RARB: variants seen among roughly 807,000 people sequenced by gnomAD.
The protein encoded by RARB is retinoic acid receptor beta, also known as HBV-activated protein.
A neutral mutation model predicts 51.9 loss-of-function variants in RARB; 17 were observed. The ratio of observed to expected loss-of-function variants is 0.33; its 90% CI spans 0.22 to 0.49. RARB has a LOEUF of 0.49. Among genes scored for constraint, RARB ranks in the 20% least tolerant of loss-of-function variants. The probability of loss-of-function intolerance (pLI) is 0.99; values close to 1 mark genes in which losing one functional copy is unlikely to be tolerated. For missense variants in RARB, 369 were observed against 550.8 expected, an observed-to-expected ratio of 0.67 and a Z score of 3.30; for synonymous variants, 215 against 195.4, an observed-to-expected ratio of 1.10 and a Z score of -0.84.
intron 3 of RARB, among the ~76,000 whole-genome samples, chr3:25,097,850 C>A (rs940876764): frequency 6.6e-6 from 1 of 152,078 alleles, no homozygotes; most frequent in African/African-American, 2.4e-5. Flanking sequence ...GTGCTCATCC[C>A]AATCTTACCC....
At chr3:25,520,539 A>G (rs999952127) in intron 3 of RARB, among the ~76,000 whole-genome samples, 6 of 152,236 alleles carry the variant, frequency 3.9e-5, no homozygotes, top group Non-Finnish European at 7.3e-5. Context: ...GAGAATTTAA[A>G]CATCCAACTG....
At chr3:24,954,896 G>A (rs1365191687) in intron 2 of RARB, among the ~76,000 whole-genome samples, 3 of 152,192 alleles carry the variant, frequency 2.0e-5, no homozygotes, top group Non-Finnish European at 4.4e-5. Context: ...GGTTGCAGGA[G>A]CCAGGGGAGT....
chr3:25,482,061 C>A (rs1286655), intron 2 of RARB, among the ~76,000 whole-genome samples: 64,543 of 151,982 alleles, frequency 0.42, 15,491 homozygotes, highest in African/African-American at 0.65. Context: ...ACCCAAGCCC[C>A]CAACCACTAG....
intron 5 of RARB, among the ~76,000 whole-genome samples, chr3:25,297,564 C>CT (rs1031911648): frequency 1.6e-4 from 25 of 152,032 alleles, no homozygotes; most frequent in African/African-American, 5.8e-4. Flanking sequence ...TCTGAAACAG[C>CT]TTTTATCAAA....
intron 5 of RARB, among the ~76,000 whole-genome samples, chr3:25,394,628 A>T (rs1012090428): frequency 3.9e-5 from 6 of 152,102 alleles, no homozygotes; most frequent in African/African-American, 1.4e-4. Context: ...TTCCTATGGA[A>T]GTAATCTTTT....
intron 5 of RARB, among the ~76,000 whole-genome samples, chr3:25,316,949 A>T (rs1258714341): frequency 6.6e-6 from 1 of 152,188 alleles, no homozygotes; most frequent in Non-Finnish European, 1.5e-5. Context: ...TAAATTATTC[A>T]CCCCAGGTCA....
rs1698566039 is a variant in RARB at position 25,524,695 on chromosome 3, C to T, written c.448+23372C>T. Among the ~76,000 whole-genome samples, 15 of 146,884 alleles carry T rather than the reference C, an allele frequency of 1.0e-4. No individual in the cohort carries two copies. In the South Asian group the frequency reaches 3.5e-3, roughly 34 times the overall value. ...CCTCTTCCTATCCTCTTCTTTCTGT[C>T]CCTTTTTCCTCCCATGTTTTTATTT... On this transcript the variant is annotated intron_variant, in intron 3 of 7. Coordinates refer to ENST00000330688, the MANE Select transcript of RARB (RefSeq NM_000965.5).
At chr3:25,036,038 G>A (rs994950199) in intron 2 of RARB, among the ~76,000 whole-genome samples, 2 of 152,146 alleles carry the variant, frequency 1.3e-5, no homozygotes, top group Admixed American at 1.3e-4. Context: ...ATTTCATGTA[G>A]TTTAACCCAA....
intron 5 of RARB, among the ~76,000 whole-genome samples, chr3:25,376,493 G>GT (rs60207100): frequency 0.041 from 6,216 of 152,218 alleles, 141 homozygotes; most frequent in Middle Eastern, 0.065. Flanking sequence ...TCCTTGCTCT[G>GT]TAAAACCACC....
intron 3 of RARB, among the ~76,000 whole-genome samples, chr3:25,065,942 T>A (rs997730735): frequency 4.3e-4 from 66 of 152,258 alleles, no homozygotes; most frequent in African/African-American, 1.6e-3. Flanking sequence ...ATTTTTTTTT[T>A]AAAGAAAGTG....
At chr3:25,535,677 T>G (rs1011979495) in intron 3 of RARB, among the ~76,000 whole-genome samples, 1 of 152,162 alleles carries the variant, frequency 6.6e-6, no homozygotes, top group Non-Finnish European at 1.5e-5. Context: ...TTTCTGTTCC[T>G]GTGTTAGTTT....
At chr3:24,942,612 A>T (rs34744634) in intron 2 of RARB, among the ~76,000 whole-genome samples, 24,223 of 152,114 alleles carry the variant, frequency 0.16, 2,188 homozygotes, top group Non-Finnish European at 0.21. Context: ...CCTTAGTCAA[A>T]TCATATGACC....
chr3:25,156,285 A>G (rs1700372604), intron 4 of RARB, among the ~76,000 whole-genome samples: 1 of 152,166 alleles, frequency 6.6e-6, no homozygotes, highest in South Asian at 2.1e-4. Context: ...TTTCTGTAAG[A>G]ATGCCTCTGC....
intron 3 of RARB, among the ~76,000 whole-genome samples, chr3:25,545,761 G>A (rs897728915): frequency 1.3e-5 from 2 of 152,006 alleles, no homozygotes; most frequent in African/African-American, 2.4e-5. Context: ...ATCCTTCATC[G>A]ACAACAATTT....
intron 3 of RARB, among the ~76,000 whole-genome samples, chr3:25,098,522 A>G (rs866735905): frequency 6.6e-6 from 1 of 152,220 alleles, no homozygotes; most frequent in Non-Finnish European, 1.5e-5. Context: ...TAGCTTCTTC[A>G]TTGTAAAGGA....
intron 3 of RARB, among the ~76,000 whole-genome samples, chr3:25,106,701 A>G (rs1288855132): frequency 1.3e-5 from 2 of 151,188 alleles, no homozygotes; most frequent in African/African-American, 2.4e-5. Flanking sequence ...TCACATGCAT[A>G]TTGTAACACT....
chr3:25,268,047 C>A (rs184202058), intron 5 of RARB, among the ~76,000 whole-genome samples: 1 of 152,068 alleles, frequency 6.6e-6, no homozygotes, highest in Non-Finnish European at 1.5e-5. Context: ...TTTCTTGGAA[C>A]GTAGAATAGT....
intron 2 of RARB, among the ~76,000 whole-genome samples, chr3:25,019,340 G>A (rs1256028796): frequency 6.6e-6 from 1 of 152,182 alleles, no homozygotes; most frequent in African/African-American, 2.4e-5. Context: ...TAGAGAAGCT[G>A]AAAAGAAAGA....
At position 25,002,462 on chromosome 3, in the gene RARB, C is replaced by G. The variant is rs532793874; in HGVS notation, c.-379-57663C>G. ...ATACAGCCAACACACTGGGCATCAT[C>G]CAGGTCAAAATGCCCTGCAGAGTTT... is the stretch of plus-strand genomic sequence containing the variant. On this transcript the variant is annotated intron_variant, in intron 2 of 11. Transcript: ENST00000383772. Among the ~76,000 whole-genome samples the G allele has an allele frequency of 3.3e-5, 5 of 152,276 alleles. No individual in the cohort carries two copies. The East Asian group carries it at 9.7e-4, about 29-fold the overall frequency.
Sources: gnomAD v4.1 joint callset for allele counts (sites outside exome capture counted in the v4.1 genomes callset) on GRCh38, gnomAD v4.1.1 for gene constraint, MANE v1.5 for transcripts, NCBI Gene and HGNC (gene_info 2026-07-23, HGNC 2026-07-21) for gene names.